TIAM1: variants seen among roughly 807,000 people sequenced by gnomAD.
The protein encoded by TIAM1 is rho guanine nucleotide exchange factor TIAM1.
Under a neutral mutation model 163.5 loss-of-function variants are expected in TIAM1, and 65 were observed. The observed-to-expected ratio is 0.40, with a 90% CI of 0.33 to 0.49. The LOEUF is 0.49. Among genes scored for constraint, TIAM1 ranks in the 20% least tolerant of loss-of-function variants. TIAM1 has a pLI of 0.77. For synonymous variants in TIAM1, 833 were observed against 810.1 expected (o/e 1.03, Z -0.48); for missense variants, 1,789 against 2,044.7 (o/e 0.87, Z 2.41).
At chr21:31,343,708 G>A (rs1053716506) in intron 1 of TIAM1, among the ~76,000 whole-genome samples, 4 of 152,038 alleles carry the variant, frequency 2.6e-5, no homozygotes, top group Admixed American at 1.3e-4. Context: ...TTTTTCAATG[G>A]CACTGACCTG....
intron 4 of TIAM1, among the ~76,000 whole-genome samples, chr21:31,256,806 A>C (rs753260985): frequency 1.3e-5 from 2 of 152,198 alleles, no homozygotes; most frequent in Non-Finnish European, 2.9e-5. Flanking sequence ...ACACTGTATA[A>C]GACACTGTGA....
intron 2 of TIAM1, among the ~76,000 whole-genome samples, chr21:31,386,749 G>A (rs73195571): frequency 0.12 from 18,024 of 152,188 alleles, 1,262 homozygotes; most frequent in Admixed American, 0.22. Flanking sequence ...ACGGGTGGAA[G>A]GAAAGTAACA....
chr21:31,169,020 C>A (rs1004124764), intron 15 of TIAM1, among the ~76,000 whole-genome samples: 14 of 152,090 alleles, frequency 9.2e-5, no homozygotes, highest in Non-Finnish European at 2.9e-5. Flanking sequence ...GGGCTGAACA[C>A]GGTGGCTCAT....
At chr21:31,519,379 C>T (rs896222764) in intron 1 of TIAM1, among the ~76,000 whole-genome samples, 2 of 149,656 alleles carry the variant, frequency 1.3e-5, no homozygotes, top group Non-Finnish European at 3.0e-5. Context: ...CGTTGTGGCC[C>T]ATGTTTGTCA....
chr21:31,438,179 C>CTTTTTTTTTT lies in TIAM1; in HGVS notation c.-369+25794_-369+25803dup, dbSNP rs34844399. 1.8e-3 allele frequency among the ~76,000 whole-genome samples: 116 copies of CTTTTTTTTTT among 62,720 alleles called. 13 individuals are homozygous for CTTTTTTTTTT. The highest frequency in any genetic ancestry group is 7.7e-3 in the African/African-American group (110 of 14,290). The allele number at this position is 62,720 out of a possible 152,430, so 41.1% of individuals were successfully genotyped here. A position where few individuals can be genotyped will look rare whatever the true frequency, so the allele number is the denominator to read the frequency against. Reference sequence around the variant, plus strand: ...ACATATGTAATTGCGTATTTGTGATCTTTTTTTTTTTTTTTTTTTTTTTTT... The same window carrying CTTTTTTTTTT: ...ACATATGTAATTGCGTATTTGTGATCTTTTTTTTTTTTTTTTTTTTTTTTTTTTTTTTTTT... On this transcript the variant is annotated intron_variant, in intron 2 of 28. Transcript: ENST00000286827.
intron 2 of TIAM1, among the ~76,000 whole-genome samples, chr21:31,460,831 AT>A (rs1221145280): frequency 6.6e-6 from 1 of 152,354 alleles, no homozygotes; most frequent in East Asian, 1.9e-4. Context: ...TTCTTCCACC[AT>A]TTTTAATAAT....
At chr21:31,333,581 A>G (rs845948) in intron 2 of TIAM1, among the ~76,000 whole-genome samples, 53,402 of 151,904 alleles carry the variant, frequency 0.35, 10,580 homozygotes, top group African/African-American at 0.54. Context: ...GGGACCACAG[A>G]CATGCACCAC....
At chr21:31,438,762 G>T (rs2044312593) in intron 2 of TIAM1, among the ~76,000 whole-genome samples, 1 of 152,142 alleles carries the variant, frequency 6.6e-6, no homozygotes. Context: ...ATAATTCATT[G>T]TCACAGGGAA....
intron 2 of TIAM1, among the ~76,000 whole-genome samples, chr21:31,399,346 TTAAGATA>T (rs1443932730): frequency 2.0e-5 from 3 of 152,132 alleles, no homozygotes; most frequent in African/African-American, 7.2e-5. Flanking sequence ...CGATTTTGAT[TTAAGATA>T]TATTACAATC....
intron 1 of TIAM1, among the ~76,000 whole-genome samples, chr21:31,556,831 C>T (rs1326904801): frequency 6.6e-6 from 1 of 152,142 alleles, no homozygotes; most frequent in African/African-American, 2.4e-5. Context: ...CGGTGTTTAC[C>T]ACGCAAAGGC....
At chr21:31,323,739 G>A (rs1320117570) in intron 2 of TIAM1, among the ~76,000 whole-genome samples, 1 of 152,174 alleles carries the variant, frequency 6.6e-6, no homozygotes, top group Non-Finnish European at 1.5e-5. Flanking sequence ...GCTAAGGCAG[G>A]AGAATCGCTA....
At chr21:31,184,571 C>T (rs533665997) in intron 14 of TIAM1, among the ~76,000 whole-genome samples, 1 of 152,234 alleles carries the variant, frequency 6.6e-6, no homozygotes, top group South Asian at 2.1e-4. Context: ...TCATTTAACA[C>T]CAGGGCTCTC....
At chr21:31,312,868 T>C (rs2074981936) in intron 2 of TIAM1, among the ~76,000 whole-genome samples, 2 of 152,102 alleles carry the variant, frequency 1.3e-5, no homozygotes, top group South Asian at 4.1e-4. Flanking sequence ...GAAAAAAGAA[T>C]ATGAAAATAG....
chr21:31,306,800 C>T (rs12482272), intron 2 of TIAM1, among the ~76,000 whole-genome samples: 51,859 of 151,990 alleles, frequency 0.34, 9,376 homozygotes, highest in Middle Eastern at 0.56. Context: ...GAGACAATCA[C>T]GGGCAAGGCA....
At chr21:31,258,971 T>C (rs553662472) in intron 4 of TIAM1, among the ~76,000 whole-genome samples, 166 of 152,278 alleles carry the variant, frequency 1.1e-3, no homozygotes, top group African/African-American at 3.8e-3. Context: ...ATGGAGACCC[T>C]GTCAGGCCTT....
At chr21:31,498,097 C>T (rs1350793179) in intron 1 of TIAM1, among the ~76,000 whole-genome samples, 1 of 152,204 alleles carries the variant, frequency 6.6e-6, no homozygotes, top group Non-Finnish European at 1.5e-5. Context: ...GAAGGACAAA[C>T]CCGAATGTAA....
chr21:31,216,926 G>A (rs2236615), intron 9 of TIAM1, among the ~76,000 whole-genome samples: 3,356 of 152,282 alleles, frequency 0.022, 105 homozygotes, highest in African/African-American at 0.068. Flanking sequence ...GTCTCTGCAT[G>A]GCCAGGTGCA....
intron 25 of TIAM1, among the ~76,000 whole-genome samples, chr21:31,128,321 T>G (rs1383495728): frequency 6.6e-6 from 1 of 152,212 alleles, no homozygotes; most frequent in Non-Finnish European, 1.5e-5. Flanking sequence ...CCTTTATAAC[T>G]CAACTAAAAT....
intron 2 of TIAM1, among the ~76,000 whole-genome samples, chr21:31,283,699 G>A (rs981203042): frequency 2.0e-5 from 3 of 152,006 alleles, no homozygotes; most frequent in Non-Finnish European, 4.4e-5. Flanking sequence ...CGCACATCAT[G>A]CCCAGTTAAT....
Sources: allele counts gnomAD v4.1 joint callset (sites outside exome capture counted in the v4.1 genomes callset), GRCh38; gene constraint gnomAD v4.1.1; transcripts MANE v1.5; gene names NCBI Gene and HGNC (gene_info 2026-07-23, HGNC 2026-07-21).